Variants in SMAD3 observed in about 807,000 individuals in gnomAD.
SMAD3 encodes SMAD family member 3.
Under a neutral mutation model 51.8 loss-of-function variants are expected in SMAD3, and 12 were observed. The observed-to-expected ratio is 0.23, with a 90% CI of 0.15 to 0.38. The LOEUF is 0.38. Among genes scored for constraint, SMAD3 ranks in the 10% least tolerant of loss-of-function variants. The probability of loss-of-function intolerance (pLI) is 1.00; values close to 1 mark genes in which losing one functional copy is unlikely to be tolerated. For synonymous variants in SMAD3, 238 were observed against 227.7 expected (o/e 1.05, Z -0.41); for missense variants, 294 against 565.6 (o/e 0.52, Z 4.87).
At chr15:67,125,796 C>A in intron 1 of SMAD3, 1 of 985,512 alleles carries the variant, frequency 1.0e-6, no homozygotes, top group Non-Finnish European at 1.2e-6. Flanking sequence ...TAGGTCACTG[C>A]TGGGCTGAAG....
intron 1 of SMAD3, among the ~76,000 whole-genome samples, chr15:67,113,829 T>A (rs1348872442): frequency 6.6e-6 from 1 of 152,248 alleles, no homozygotes; most frequent in African/African-American, 2.4e-5. Flanking sequence ...GAATAGCTCT[T>A]TGAGGACAGT....
intron 1 of SMAD3, among the ~76,000 whole-genome samples, chr15:67,133,193 C>T (rs1961567959): frequency 6.6e-6 from 1 of 152,166 alleles, no homozygotes; most frequent in African/African-American, 2.4e-5. Flanking sequence ...GACAGTCTAA[C>T]TTTATGGAAG....
At position 67,194,000 on chromosome 15, in the gene SMAD3, C is replaced by T. The variant is rs754298690; in HGVS notation, c.*3464C>T. 3 of 233,152 alleles carry T rather than the reference C, an allele frequency of 1.3e-5. No individual in the cohort carries two copies. The highest frequency in any genetic ancestry group is 2.5e-5 in the Non-Finnish European group (3 of 117,942). The allele number at this position is 233,152 out of a possible 1,614,324, so 14.4% of individuals were successfully genotyped here. A position where few individuals can be genotyped will look rare whatever the true frequency, so the allele number is the denominator to read the frequency against. ...CGGAGCTCAGGTTACACCACTCCTTCGTCCTTACAGGAGATGTAGGGAGAA... is the reference window on the plus strand; with the variant it reads ...CGGAGCTCAGGTTACACCACTCCTTTGTCCTTACAGGAGATGTAGGGAGAA... On this transcript the variant is annotated 3_prime_UTR_variant, in exon 9 of 9. Transcript: ENST00000327367.
intron 2 of SMAD3, 41 bp downstream of exon 2, chr15:67,165,129 G>T: frequency 6.2e-7 from 1 of 1,612,066 alleles, no homozygotes; most frequent in South Asian, 1.1e-5. Flanking sequence ...CAGGTGCCAG[G>T]GGTCATCACC....
intron 1 of SMAD3, among the ~76,000 whole-genome samples, chr15:67,097,125 T>G (rs1216232455): frequency 1.3e-5 from 2 of 152,206 alleles, no homozygotes; most frequent in African/African-American, 2.4e-5. Context: ...GCAGTGTAGT[T>G]GTTAAAAATG....
At chr15:67,099,351 A>C (rs1299581671) in intron 1 of SMAD3, among the ~76,000 whole-genome samples, 1 of 152,230 alleles carries the variant, frequency 6.6e-6, no homozygotes. Context: ...TTGATTATGC[A>C]AATTGAATTG....
chr15:67,183,794 G>C (rs1313182770), intron 6 of SMAD3, among the ~76,000 whole-genome samples: 1 of 152,198 alleles, frequency 6.6e-6, no homozygotes, highest in Non-Finnish European at 1.5e-5. Context: ...TGTCCATCTG[G>C]AGTGGATTTA....
intron 1 of SMAD3, among the ~76,000 whole-genome samples, chr15:67,153,415 T>G (rs1174945160): frequency 7.1e-6 from 1 of 140,638 alleles, no homozygotes; most frequent in Non-Finnish European, 1.5e-5. Flanking sequence ...TCACCTGAAC[T>G]GGAGGTTGCA....
chr15:67,161,083 A>G (rs1365541604), intron 1 of SMAD3, among the ~76,000 whole-genome samples: 1 of 152,134 alleles, frequency 6.6e-6, no homozygotes, highest in African/African-American at 2.4e-5. Flanking sequence ...TTTAGAGTTT[A>G]AGTTTCACTT....
chr15:67,190,419 G>A lies in SMAD3; in HGVS notation c.1161G>A (p.Gln387=). ...CTTTCCCTATTTCTTACAGGAGACA[G>A]ACTGTGACCAGTACCCCCTGCTGGA... The part of the protein sequence containing the change: ...VKGWGAEYRR[Q]TVTSTPCWIE... Residue 387 remains glutamine (Q), a synonymous_variant, in exon 9 of 9, where the codon CAG becomes CAA. Transcript: ENST00000327367. 1 of 1,613,982 alleles carries A rather than the reference G, an allele frequency of 6.2e-7. No individual in the cohort carries two copies. The highest frequency in any genetic ancestry group is 8.5e-7 in the Non-Finnish European group (1 of 1,179,926).
At chr15:67,099,109 T>C (rs1960691541) in intron 1 of SMAD3, 3 of 677,560 alleles carry the variant, frequency 4.4e-6, no homozygotes, top group Middle Eastern at 2.3e-4. Flanking sequence ...CTGTGACTTC[T>C]GCATTCCTGG....
At position 67,193,258 on chromosome 15, in the gene SMAD3, G is replaced by GT. The variant is rs1963410744; in HGVS notation, c.*2723dup. ...GCTGGTGACTGGATAGCAGTTTTAA[G>GT]TGGCGTTCACCTAGTCAACACGACC... is the stretch of plus-strand genomic sequence containing the variant. On this transcript the variant is annotated 3_prime_UTR_variant, in exon 9 of 9. Coordinates refer to ENST00000327367, the MANE Select transcript of SMAD3 (RefSeq NM_005902.4). The GT allele has an allele frequency of 4.3e-6, 1 of 233,340 alleles. No individual in the cohort carries two copies. Among genetic ancestry groups the GT allele is most frequent in the African/African-American group, 2.2e-5 (1 of 45,362 alleles). 14.5% of individuals were successfully genotyped at this position (233,340 alleles called of 1,614,324 possible).
In SMAD3 at chr15:67,192,338, A is replaced by T. The variant is rs1392693699; in HGVS notation, c.*1802A>T. ...AGAGACGGAAGGAGCACCTTGACAG[A>T]CTTGTGTGAGTCTTCTCGAAGGAGG... On this transcript the variant is annotated 3_prime_UTR_variant, in exon 9 of 9. Transcript: ENST00000327367. The T allele has an allele frequency of 4.3e-6, 1 of 233,004 alleles. No homozygotes were observed. The highest frequency in any genetic ancestry group is 2.2e-5 in the African/African-American group (1 of 45,290). The allele number at this position is 233,004 out of a possible 1,614,324, so 14.4% of individuals were successfully genotyped here. A position where few individuals can be genotyped will look rare whatever the true frequency, so the allele number is the denominator to read the frequency against.
Position 67,190,965 on chromosome 15 carries a change from C to T in SMAD3, c.*429C>T. 1 of 268,532 alleles carries T rather than the reference C, an allele frequency of 3.7e-6. No individual in the cohort carries two copies. The highest frequency in any genetic ancestry group is 1.1e-4 in the South Asian group (1 of 9,186). 16.6% of individuals were successfully genotyped at this position (268,532 alleles called of 1,614,324 possible). The stretch of plus-strand genomic sequence containing the variant: ...TTCTAGGTAGGAAGAGCCCGCAGGG[C>T]CATGCAGACCTCATGCCCAGCTCTC... On this transcript the variant is annotated 3_prime_UTR_variant, in exon 9 of 9. Transcript: ENST00000327367.
chr15:67,090,588 C>T (rs1960488981), intron 1 of SMAD3, among the ~76,000 whole-genome samples: 1 of 152,092 alleles, frequency 6.6e-6, no homozygotes, highest in Admixed American at 6.5e-5. Context: ...CTTCTCAATG[C>T]TTGCTTATGG....
chr15:67,170,413 G>A (rs898181702), intron 4 of SMAD3, 141 bp from the exon 5 acceptor site: 5 of 732,010 alleles, frequency 6.8e-6, no homozygotes, highest in Non-Finnish European at 1.2e-5. Context: ...GTATGGGCTA[G>A]GCCTTCTCCT....
At chr15:67,136,557 C>T in intron 1 of SMAD3, among the ~76,000 whole-genome samples, 1 of 152,180 alleles carries the variant, frequency 6.6e-6, no homozygotes, top group East Asian at 1.9e-4. Flanking sequence ...TCTCGAACTC[C>T]TGACCTCAGG....
At chr15:67,108,861 GA>G (rs151299537) in intron 1 of SMAD3, among the ~76,000 whole-genome samples, 3,958 of 147,662 alleles carry the variant, frequency 0.027, 165 homozygotes, top group African/African-American at 0.092. Context: ...CATTTGGAAA[GA>G]AAAAAAAAAG....
At chr15:67,067,993 A>T (rs1488780310) in intron 1 of SMAD3, among the ~76,000 whole-genome samples, 1 of 152,092 alleles carries the variant, frequency 6.6e-6, no homozygotes, top group African/African-American at 2.4e-5. Flanking sequence ...ATTGAAGACA[A>T]GTGCTTTATG....
Sources: gnomAD v4.1 joint callset for allele counts (sites outside exome capture counted in the v4.1 genomes callset) on GRCh38, gnomAD v4.1.1 for gene constraint, MANE v1.5 for transcripts, NCBI Gene and HGNC (gene_info 2026-07-23, HGNC 2026-07-21) for gene names.